Variants in SLC12A7 observed in about 807,000 individuals in gnomAD.
The protein encoded by SLC12A7 is K-Cl cotransporter 4.
In SLC12A7, 100 loss-of-function variants were observed where a neutral mutation model predicts 120.6. That is an observed-to-expected ratio of 0.83 (90% CI 0.71 to 0.98). The LOEUF is 0.98. Among genes scored for constraint, SLC12A7 ranks in the 50% least tolerant of loss-of-function variants. The pLI is 0.00. For synonymous variants in SLC12A7, 760 were observed against 678.0 expected (o/e 1.12, Z -1.88); for missense variants, 1,373 against 1,548.1 (o/e 0.89, Z 1.90).
At chr5:1,078,617 G>C in intron 11 of SLC12A7, 84 bp downstream of exon 11, 2 of 1,114,294 alleles carry the variant, frequency 1.8e-6, no homozygotes, top group South Asian at 2.6e-5. Context: ...GTCCTAGGGC[G>C]ATGTAATTTC....
At chr5:1,094,568 A>C (rs578030811) in intron 1 of SLC12A7, among the ~76,000 whole-genome samples, 2 of 152,294 alleles carry the variant, frequency 1.3e-5, no homozygotes, top group Non-Finnish European at 2.9e-5. Flanking sequence ...GCTATCCCCC[A>C]CACACATCAT....
chr5:1,069,783 C>T (rs1274638668), intron 17 of SLC12A7, among the ~76,000 whole-genome samples: 6 of 152,192 alleles, frequency 3.9e-5, no homozygotes, highest in Non-Finnish European at 8.8e-5. Context: ...CATTCCGTTT[C>T]TGGATAGTGT....
chr5:1,054,662 C>T (rs533110451), intron 22 of SLC12A7, among the ~76,000 whole-genome samples: 6 of 152,340 alleles, frequency 3.9e-5, no homozygotes, highest in South Asian at 4.1e-4. Flanking sequence ...AGAGGGGCGG[C>T]GGCGGACAGA....
In SLC12A7 at chr5:1,101,964, C is replaced by G. The variant is rs1032974635; in HGVS notation, c.125-7716G>C. On this transcript the variant is annotated intron_variant, in intron 1 of 23. Transcript: ENST00000264930. ...CTTCCCCAGCTCCCTCCCTGCCAAG[C>G]CCCCCAGCCACAGAGGCAACCTCCG... 3.9e-5 allele frequency among the ~76,000 whole-genome samples: 6 copies of G among 152,330 alleles called. No individual in the cohort carries two copies. In the East Asian group the frequency reaches 9.6e-4, roughly 24 times the overall value.
the SLC12A7 span, among the ~76,000 whole-genome samples, chr5:1,122,935 G>A: frequency 2.8e-4 from 43 of 152,390 alleles, no homozygotes; most frequent in Admixed American, 1.7e-3. Context: ...ACGTGCGCAC[G>A]CACAAGCCCT....
At chr5:1,089,176 A>C (rs758443363) in intron 3 of SLC12A7, 48 bp from the exon 4 acceptor site, 2 of 1,589,002 alleles carry the variant, frequency 1.3e-6, no homozygotes, top group South Asian at 2.3e-5. Flanking sequence ...CCACACCCAG[A>C]GGGAGCCCCC....
intron 17 of SLC12A7, 122 bp from the exon 18 acceptor site, chr5:1,065,600 C>A: frequency 1.3e-6 from 1 of 762,362 alleles, no homozygotes. Flanking sequence ...GAGGGAAGGC[C>A]CGAAGGCTCA....
chr5:1,075,553 C>A, intron 14 of SLC12A7, 63 bp from the exon 15 acceptor site: 1 of 1,561,546 alleles, frequency 6.4e-7, no homozygotes, highest in Non-Finnish European at 8.7e-7. Context: ...CCTCAGCCAC[C>A]ACCACACGGA....
chr5:1,054,988 G>C (rs1321328346), intron 22 of SLC12A7, among the ~76,000 whole-genome samples: 1 of 152,228 alleles, frequency 6.6e-6, no homozygotes. Context: ...GGAGCACAGG[G>C]GGGTCGGAGT....
intron 1 of SLC12A7, among the ~76,000 whole-genome samples, chr5:1,095,361 G>C (rs543091508): frequency 6.6e-6 from 1 of 152,308 alleles, no homozygotes; most frequent in African/African-American, 2.4e-5. Flanking sequence ...AGCAGCCCAT[G>C]GTCAGAACAG....
At position 1,064,077 on chromosome 5, in the gene SLC12A7, C is replaced by A; in HGVS notation, c.2607+6G>T. The A allele has an allele frequency of 6.2e-7, 1 of 1,604,018 alleles. No homozygotes were observed. The highest frequency in any genetic ancestry group is 8.5e-7 in the Non-Finnish European group (1 of 1,174,236). ...CCGGCTGGCGTGTCCCCGTCGCACGCCCCACCTTGTGCTGGCGCAGCAGGA... is the reference window on the plus strand; with the variant it reads ...CCGGCTGGCGTGTCCCCGTCGCACGACCCACCTTGTGCTGGCGCAGCAGGA... On this transcript the variant is annotated splice_donor_region_variant and intron_variant, in intron 19 of 23. Transcript: ENST00000264930.
At chr5:1,129,857 G>A in the SLC12A7 span, among the ~76,000 whole-genome samples, 11 of 152,140 alleles carry the variant, frequency 7.2e-5, no homozygotes, top group African/African-American at 2.7e-4. Flanking sequence ...GGAAAAGAAC[G>A]CCCTGCTGCC....
the SLC12A7 span, among the ~76,000 whole-genome samples, chr5:1,138,715 C>A: frequency 6.6e-6 from 1 of 152,216 alleles, no homozygotes; most frequent in African/African-American, 2.4e-5. Context: ...TTGGAGGCCA[C>A]CGTTTAGTTT....
intron 1 of SLC12A7, among the ~76,000 whole-genome samples, chr5:1,099,669 C>A (rs1190640094): frequency 6.6e-6 from 1 of 152,240 alleles, no homozygotes; most frequent in Non-Finnish European, 1.5e-5. Context: ...GAACTCACCT[C>A]ACAGAAGCCC....
At position 1,055,647 on chromosome 5, in the gene SLC12A7, G is replaced by C. The variant is rs543278820; in HGVS notation, c.3026+1824C>G. On this transcript the variant is annotated intron_variant, in intron 22 of 23. Transcript: ENST00000264930. The stretch of plus-strand genomic sequence containing the variant: ...GCCTGTGGGGACCTGCCCCCGCCCC[G>C]ACCAAGGGGAGGCAAGCCCCGGCGC... Among the ~76,000 whole-genome samples the C allele has an allele frequency of 3.3e-5, 5 of 152,296 alleles. No individual in the cohort carries two copies. In the South Asian group the frequency reaches 8.3e-4, roughly 25 times the overall value.
chr5:1,135,880 C>G, the SLC12A7 span, among the ~76,000 whole-genome samples: 4 of 152,302 alleles, frequency 2.6e-5, no homozygotes, highest in Non-Finnish European at 5.9e-5. Context: ...ACTGCACCAT[C>G]CCCACATCCA....
the SLC12A7 span, among the ~76,000 whole-genome samples, chr5:1,152,228 C>G: frequency 0.16 from 24,253 of 152,208 alleles, 2,175 homozygotes; most frequent in South Asian, 0.31. Context: ...CAGCTCATCT[C>G]CCCTCTGCCC....
chr5:1,087,534 A>G (rs1029379492), intron 5 of SLC12A7, among the ~76,000 whole-genome samples: 1 of 152,228 alleles, frequency 6.6e-6, no homozygotes. Flanking sequence ...TGGCATGTGG[A>G]AGGGGTCCTA....
chr5:1,119,542 C>T, the SLC12A7 span, among the ~76,000 whole-genome samples: 2 of 152,242 alleles, frequency 1.3e-5, no homozygotes, highest in Non-Finnish European at 2.9e-5. Context: ...GCGGCCGGCT[C>T]GCCGCCCATG....
Sources: allele counts gnomAD v4.1 joint callset (sites outside exome capture counted in the v4.1 genomes callset), GRCh38; gene constraint gnomAD v4.1.1; transcripts MANE v1.5; gene names NCBI Gene and HGNC (gene_info 2026-07-23, HGNC 2026-07-21).